ZFYVE28: variants seen among roughly 807,000 people sequenced by gnomAD.
ZFYVE28 encodes the protein zinc finger FYVE-type containing 28.
A neutral mutation model predicts 82.1 loss-of-function variants in ZFYVE28; 40 were observed. That is an observed-to-expected ratio of 0.49 (90% confidence interval 0.38 to 0.63). The LOEUF (loss-of-function observed/expected upper bound fraction) is 0.63. Ranked by LOEUF, ZFYVE28 falls within the 30% of genes least tolerant of loss-of-function variation. ZFYVE28 has a pLI of 0.00. For synonymous variants in ZFYVE28, 612 were observed against 546.1 expected (o/e 1.12, Z -1.68); for missense variants, 1,321 against 1,242.1 (o/e 1.06, Z -0.96).
intron 1 of ZFYVE28, among the ~76,000 whole-genome samples, chr4:2,387,654 G>A (rs1200302950): frequency 1.3e-5 from 2 of 152,176 alleles, no homozygotes; most frequent in Non-Finnish European, 2.9e-5. Context: ...GCTTGGGTGG[G>A]GAGGTTCTAG....
intron 1 of ZFYVE28, among the ~76,000 whole-genome samples, chr4:2,414,929 C>T (rs771034439): frequency 6.6e-6 from 1 of 152,164 alleles, no homozygotes; most frequent in Non-Finnish European, 1.5e-5. Flanking sequence ...TAAAGAAAGG[C>T]AAGAAAGTAT....
chr4:2,276,235 G>A (rs1159145179), intron 8 of ZFYVE28, among the ~76,000 whole-genome samples: 1 of 152,234 alleles, frequency 6.6e-6, no homozygotes, highest in Non-Finnish European at 1.5e-5. Flanking sequence ...TTGCCGGAAC[G>A]TGGGAGCACG....
intron 1 of ZFYVE28, among the ~76,000 whole-genome samples, chr4:2,399,128 G>GGTAGGGGGTGAGAT (rs1560339090): frequency 1.9e-5 from 2 of 108,020 alleles, no homozygotes; most frequent in Admixed American, 1.8e-4. Flanking sequence ...GAGGGCACAA[G>GGTAGGGGGTGAGAT]CTGGGTGGTG....
intron 1 of ZFYVE28, among the ~76,000 whole-genome samples, chr4:2,391,678 T>C (rs1729845310): frequency 6.7e-6 from 1 of 148,452 alleles, no homozygotes; most frequent in South Asian, 2.2e-4. Context: ...CACCCACCAC[T>C]CTCCTTTCTG....
At chr4:2,400,299 C>A (rs998214981) in intron 1 of ZFYVE28, among the ~76,000 whole-genome samples, 6 of 152,246 alleles carry the variant, frequency 3.9e-5, no homozygotes, top group African/African-American at 1.4e-4. Flanking sequence ...TGACGCCCAT[C>A]AAGTTACTGT....
chr4:2,327,308 A>ATATATATC (rs1720034152), intron 6 of ZFYVE28, among the ~76,000 whole-genome samples: 1 of 70,244 alleles, frequency 1.4e-5, no homozygotes, highest in African/African-American at 4.9e-5. Flanking sequence ...ATATATATAT[A>ATATATATC]TCGAATAAAG....
chr4:2,307,577 A>G (rs3118623), intron 7 of ZFYVE28, among the ~76,000 whole-genome samples: 123,571 of 152,126 alleles, frequency 0.81, 51,008 homozygotes, highest in African/African-American at 0.95. Context: ...CAAACTCCTC[A>G]GCTCAAATTA....
chr4:2,271,447 CG>C, intron 11 of ZFYVE28, 33 bp from the exon 12 acceptor site: 1 of 1,603,580 alleles, frequency 6.2e-7, no homozygotes, highest in Non-Finnish European at 8.5e-7. Flanking sequence ...ACATCAGCGA[CG>C]GCAGGAGCAG....
chr4:2,304,417 G>A lies in ZFYVE28; in HGVS notation c.1923C>T (p.Ser641=), dbSNP rs769671553. 10 of 1,613,566 alleles carry A rather than the reference G, an allele frequency of 6.2e-6. No individual in the cohort carries two copies. The highest frequency in any genetic ancestry group is 3.3e-5 in the South Asian group (3 of 91,092). Reference sequence around the variant, plus strand: ...GCAGCCCACTCGCTGTGTCCACCTGGGAACCTGAGGTGTGAGGCAGGCACT... The same window carrying A: ...GCAGCCCACTCGCTGTGTCCACCTGAGAACCTGAGGTGTGAGGCAGGCACT... The part of the protein sequence containing the change: ...SDKCLPHTSG[S]QVDTASGLQG... The change falls in exon 8 of 13, where the codon TCC becomes TCT. Residue 641 remains serine (S), a synonymous_variant. Transcript: ENST00000290974.
intron 6 of ZFYVE28, among the ~76,000 whole-genome samples, chr4:2,327,813 C>A (rs1720105580): frequency 6.6e-6 from 1 of 152,092 alleles, no homozygotes; most frequent in Non-Finnish European, 1.5e-5. Flanking sequence ...TACAAATGAC[C>A]AACATCACTA....
chr4:2,399,106 T>TGGAGGTGAGATCCAGGGCACAAGGG, intron 1 of ZFYVE28, among the ~76,000 whole-genome samples: 1 of 6,268 alleles, frequency 1.6e-4, no homozygotes, highest in East Asian at 4.9e-3. Context: ...GGGCACAAGC[T>TGGAGGTGAGATCCAGGGCACAAGGG]GGGGCAAGAT....
chr4:2,272,768 C>T (rs1261589344), intron 10 of ZFYVE28, among the ~76,000 whole-genome samples: 2 of 152,196 alleles, frequency 1.3e-5, no homozygotes, highest in South Asian at 2.1e-4. Context: ...GCACCACGGC[C>T]GAGTCTCATC....
intron 1 of ZFYVE28, among the ~76,000 whole-genome samples, chr4:2,398,164 T>C (rs1442438146): frequency 6.6e-6 from 1 of 152,168 alleles, no homozygotes; most frequent in Non-Finnish European, 1.5e-5. Flanking sequence ...GACCTAGAGC[T>C]GGTGCCAGTG....
chr4:2,390,194 G>A (rs1455652152), intron 1 of ZFYVE28, among the ~76,000 whole-genome samples: 3 of 152,210 alleles, frequency 2.0e-5, no homozygotes, highest in Admixed American at 1.3e-4. Context: ...GGCAGACAGA[G>A]CCAGCAAATG....
In ZFYVE28 at chr4:2,270,523, T is replaced by G; in HGVS notation, c.*202A>C. 1 of 727,626 alleles carries G rather than the reference T, an allele frequency of 1.4e-6. No individual in the cohort carries two copies. Among genetic ancestry groups the G allele is most frequent in the Non-Finnish European group, 2.2e-6 (1 of 455,442 alleles). 45.1% of individuals were successfully genotyped at this position (727,626 alleles called of 1,614,324 possible). A position where few individuals can be genotyped will look rare whatever the true frequency, so the allele number is the denominator to read the frequency against. ...TCCCCTGCTGGGCAAAGCTGACCTC[T>G]TGTTGGCCCCTGCAGCCGGCCCGGG... On this transcript the variant is annotated 3_prime_UTR_variant, in exon 13 of 13. Coordinates refer to ENST00000290974, the MANE Select transcript of ZFYVE28 (RefSeq NM_020972.3).
At position 2,304,887 on chromosome 4, in the gene ZFYVE28, G is replaced by A. The variant is rs201929618; in HGVS notation, c.1453C>T (p.Arg485Trp). The A allele has an allele frequency of 5.6e-5, 90 of 1,612,686 alleles. No individual in the cohort carries two copies. The highest frequency in any genetic ancestry group is 2.1e-4 in the South Asian group (19 of 91,070). ...ACCTCCCAGCCGTCCAGGTGCAGCC[G>A]CGAGTCCAGGCAGCTGCAGGAGCTG... ...GTSSCSCLDS[R>W]LHLDGWEVGA... Residue 485 changes from arginine to tryptophan, a missense_variant, in exon 8 of 13, where the codon CGG (arginine) becomes TGG (tryptophan). Transcript: ENST00000290974.
chr4:2,398,728 C>T lies in ZFYVE28; in HGVS notation c.39+19557G>A, dbSNP rs1358089629. Among the ~76,000 whole-genome samples the T allele has an allele frequency of 6.8e-4, 2 of 2,958 alleles. 1 individual carries two copies. Among genetic ancestry groups the T allele is most frequent in the Non-Finnish European group, 1.2e-3 (2 of 1,632 alleles). 1.9% of individuals were successfully genotyped at this position (2,958 alleles called of 152,430 possible). On this transcript the variant is annotated intron_variant, in intron 1 of 12. Coordinates refer to ENST00000290974, the MANE Select transcript of ZFYVE28 (RefSeq NM_020972.3). Reference sequence around the variant, plus strand: ...TCCAGGGCACAAGCGGGGGCAAGATCGAGGGCACAAGGGGGGTATGAGATC... The same window carrying T: ...TCCAGGGCACAAGCGGGGGCAAGATTGAGGGCACAAGGGGGGTATGAGATC...
In ZFYVE28 at chr4:2,396,531, G is replaced by A; in HGVS notation, c.39+21754C>T. ...CCATCCTGCAGAGGGGCCATAAGGC[G>A]GGGTGTCTGAGCTGATGGGACCAGC... is the stretch of plus-strand genomic sequence containing the variant. On this transcript the variant is annotated intron_variant, in intron 1 of 12. Coordinates refer to ENST00000290974, the MANE Select transcript of ZFYVE28 (RefSeq NM_020972.3). Among the ~76,000 whole-genome samples the A allele has an allele frequency of 1.7e-4, 2 of 12,038 alleles. 1 individual carries two copies. The highest frequency in any genetic ancestry group is 2.5e-4 in the Non-Finnish European group (2 of 7,954). The allele number at this position is 12,038 out of a possible 152,430, so 7.9% of individuals were successfully genotyped here.
At chr4:2,290,507 A>T (rs1713467440) in intron 8 of ZFYVE28, among the ~76,000 whole-genome samples, 1 of 152,152 alleles carries the variant, frequency 6.6e-6, no homozygotes, top group African/African-American at 2.4e-5. Flanking sequence ...TCTCGTGAGG[A>T]TGCAACGCTG....
Sources: allele counts gnomAD v4.1 joint callset (sites outside exome capture counted in the v4.1 genomes callset), GRCh38; gene constraint gnomAD v4.1.1; transcripts MANE v1.5; gene names NCBI Gene and HGNC (gene_info 2026-07-23, HGNC 2026-07-21).